Variants in ALK observed in about 807,000 individuals in gnomAD.
ALK encodes ALK receptor tyrosine kinase, also known as ALK tyrosine kinase receptor.
A neutral mutation model predicts 163.1 loss-of-function variants in ALK; 74 were observed. The ratio of observed to expected loss-of-function variants is 0.45; its 90% CI spans 0.38 to 0.55. ALK has a LOEUF of 0.55. ALK is among the 20% of genes least tolerant of loss of function. The pLI is 0.00. For missense variants in ALK, 2,063 were observed against 2,105.3 expected (o/e 0.98, Z 0.39); for synonymous variants, 960 against 843.2 (o/e 1.14, Z -2.40).
At chr2:29,642,224 T>C (rs1676723402) in intron 3 of ALK, among the ~76,000 whole-genome samples, 1 of 152,198 alleles carries the variant, frequency 6.6e-6, no homozygotes, top group South Asian at 2.1e-4. Flanking sequence ...TGAGAAGTTC[T>C]AGTCTAGGAC....
At chr2:29,384,961 G>A (rs1234343492) in intron 4 of ALK, among the ~76,000 whole-genome samples, 1 of 152,160 alleles carries the variant, frequency 6.6e-6, no homozygotes, top group Admixed American at 6.5e-5. Flanking sequence ...TGAGGCAGGA[G>A]AATCACTTGA....
chr2:29,311,953 G>GGAGAGGAGC (rs1666709527), intron 8 of ALK, among the ~76,000 whole-genome samples: 1 of 151,942 alleles, frequency 6.6e-6, no homozygotes, highest in Non-Finnish European at 1.5e-5. Flanking sequence ...ATGCTGGCTG[G>GGAGAGGAGC]GGAGAGGAGC....
chr2:29,699,816 T>C (rs1314158603), intron 2 of ALK, among the ~76,000 whole-genome samples: 1 of 152,214 alleles, frequency 6.6e-6, no homozygotes, highest in Non-Finnish European at 1.5e-5. Context: ...TTTCTTGTTA[T>C]TTCCATCATG....
intron 5 of ALK, among the ~76,000 whole-genome samples, chr2:29,341,091 A>T (rs1291234621): frequency 6.6e-6 from 1 of 152,226 alleles, no homozygotes; most frequent in Non-Finnish European, 1.5e-5. Flanking sequence ...TTAATAAATA[A>T]TTTTGGGTAA....
chr2:29,432,369 C>T (rs944116477), intron 4 of ALK, among the ~76,000 whole-genome samples: 10 of 152,224 alleles, frequency 6.6e-5, no homozygotes, highest in East Asian at 1.9e-4. Flanking sequence ...CCATGTGATA[C>T]GCAGGCTCCC....
intron 4 of ALK, among the ~76,000 whole-genome samples, chr2:29,456,313 G>A (rs1478798674): frequency 6.6e-6 from 1 of 152,100 alleles, no homozygotes; most frequent in African/African-American, 2.4e-5. Context: ...GAAACAACCT[G>A]TGTCCATTGA....
At chr2:29,791,103 A>T (rs1434111621) in intron 1 of ALK, among the ~76,000 whole-genome samples, 1 of 152,186 alleles carries the variant, frequency 6.6e-6, no homozygotes, top group African/African-American at 2.4e-5. Context: ...GCCCAGTGTA[A>T]CTCAATAAAC....
At chr2:29,917,920 T>C (rs1473253324) in intron 1 of ALK, among the ~76,000 whole-genome samples, 1 of 152,238 alleles carries the variant, frequency 6.6e-6, no homozygotes, top group East Asian at 1.9e-4. Flanking sequence ...TGTCAAATGA[T>C]GCATAAGGGC....
At chr2:29,256,241 C>T (rs1468219969) in intron 11 of ALK, among the ~76,000 whole-genome samples, 1 of 152,118 alleles carries the variant, frequency 6.6e-6, no homozygotes, top group Non-Finnish European at 1.5e-5. Flanking sequence ...TTGTTTTGTC[C>T]TTCTTCCTGG....
chr2:29,329,459 G>A (rs1667374733), intron 5 of ALK, among the ~76,000 whole-genome samples: 1 of 152,206 alleles, frequency 6.6e-6, no homozygotes, highest in Non-Finnish European at 1.5e-5. Context: ...GAGATGAGCA[G>A]GTAGGGCTCA....
intron 3 of ALK, among the ~76,000 whole-genome samples, chr2:29,661,843 T>TATCTG (rs1386249944): frequency 1.3e-5 from 2 of 152,210 alleles, no homozygotes; most frequent in Non-Finnish European, 2.9e-5. Flanking sequence ...AGAAATGCCC[T>TATCTG]ATCTGTTGAA....
chr2:29,696,084 CAT>C (rs577240089), intron 2 of ALK, among the ~76,000 whole-genome samples: 24 of 152,314 alleles, frequency 1.6e-4, no homozygotes, highest in African/African-American at 5.8e-4. Flanking sequence ...GACATGCCTA[CAT>C]ATGTTTACTG....
intron 4 of ALK, among the ~76,000 whole-genome samples, chr2:29,486,681 A>G (rs756051968): frequency 7.2e-5 from 11 of 152,226 alleles, no homozygotes; most frequent in Non-Finnish European, 1.5e-4. Flanking sequence ...TAAAAACAAG[A>G]AGCAAATACC....
chr2:29,724,967 T>C (rs1197398777), intron 1 of ALK, among the ~76,000 whole-genome samples: 2 of 152,062 alleles, frequency 1.3e-5, no homozygotes, highest in African/African-American at 4.8e-5. Flanking sequence ...AGCTTCAGCA[T>C]GCATTTCCTG....
intron 4 of ALK, among the ~76,000 whole-genome samples, chr2:29,503,421 T>G (rs1441922183): frequency 6.6e-6 from 1 of 152,206 alleles, no homozygotes; most frequent in African/African-American, 2.4e-5. Context: ...GAGTGAAGGT[T>G]GGTGGAGATG....
At chr2:29,798,555 A>G (rs964927121) in intron 1 of ALK, among the ~76,000 whole-genome samples, 1 of 152,252 alleles carries the variant, frequency 6.6e-6, no homozygotes, top group African/African-American at 2.4e-5. Flanking sequence ...CCTCGCATCC[A>G]GGTCTTTTCA....
At chr2:29,860,392 G>GA (rs61057760) in intron 1 of ALK, among the ~76,000 whole-genome samples, 10,355 of 110,220 alleles carry the variant, frequency 0.094, 534 homozygotes, top group East Asian at 0.19. Context: ...AGGAAAGGGA[G>GA]AAAAAAAAAA....
chr2:29,902,134 G>A (rs1667429651), intron 1 of ALK, among the ~76,000 whole-genome samples: 1 of 152,138 alleles, frequency 6.6e-6, no homozygotes, highest in Non-Finnish European at 1.5e-5. Flanking sequence ...GAGTTCTAGT[G>A]CCATGTTTCC....
At chr2:29,197,053 T>A (rs1297955526) in intron 27 of ALK, among the ~76,000 whole-genome samples, 193 bp from the exon 28 acceptor site, 1 of 152,130 alleles carries the variant, frequency 6.6e-6, no homozygotes, top group Non-Finnish European at 1.5e-5. Context: ...AACACAGACA[T>A]CCTGATGTTT....
Sources: allele counts gnomAD v4.1 joint callset (sites outside exome capture counted in the v4.1 genomes callset), GRCh38; gene constraint gnomAD v4.1.1; transcripts MANE v1.5; gene names NCBI Gene and HGNC (gene_info 2026-07-23, HGNC 2026-07-21).